Variants in SRGAP3 observed in about 807,000 individuals in gnomAD.
SRGAP3 encodes the protein SLIT-ROBO Rho GTPase activating protein 3, also known as SLIT-ROBO Rho GTPase-activating protein 3.
SRGAP3 carries 39 observed loss-of-function variants against 121.1 expected under a neutral mutation model. The ratio of observed to expected loss-of-function variants is 0.32; its 90% CI spans 0.25 to 0.42. SRGAP3 has a LOEUF of 0.42. Ranked by LOEUF, SRGAP3 falls within the 10% of genes least tolerant of loss-of-function variation. The pLI, the probability that SRGAP3 is intolerant of heterozygous loss-of-function variation, is 1.00. For missense variants in SRGAP3, 1,213 were observed against 1,470.6 expected, an observed-to-expected ratio of 0.82 and a Z score of 2.86; for synonymous variants, 601 against 570.0, an observed-to-expected ratio of 1.05 and a Z score of -0.77.
intron 3 of SRGAP3, among the ~76,000 whole-genome samples, chr3:9,298,568 C>A (rs1954993734): frequency 6.6e-6 from 1 of 152,018 alleles, no homozygotes; most frequent in Admixed American, 6.6e-5. Flanking sequence ...ATCCTATGTA[C>A]CCTTTCCATA....
chr3:9,206,937 T>A lies in SRGAP3; in HGVS notation c.67+41948A>T, dbSNP rs114087163. 3.7e-3 allele frequency among the ~76,000 whole-genome samples: 571 copies of A among 152,276 alleles called. 3 individuals carry two copies. Among genetic ancestry groups the A allele is most frequent in the African/African-American group, 0.013 (522 of 41,556 alleles). On this transcript the variant is annotated intron_variant, in intron 1 of 21. Transcript: ENST00000383836. ...GGGACTTTGCTTTGTTCATGCAGTA[T>A]CCCTAGACCCTAAAATGGCACCTGG...
rs141577564 is a variant in SRGAP3, at chr3:9,064,445, C to T, written c.623G>A (p.Arg208Gln). ...LSMNLLRHEDRPQRRSSVKKI... is the reference protein window; with the variant it reads ...LSMNLLRHEDQPQRRSSVKKI... Reference sequence around the variant, plus strand: ...CTTCACAGAGCTGCGGCGCTGGGGCCGGTCCTCGTGCCGGAGCAGGTTCAT... The same window carrying T: ...CTTCACAGAGCTGCGGCGCTGGGGCTGGTCCTCGTGCCGGAGCAGGTTCAT... The change falls in exon 5 of 22, where the codon CGG becomes CAG. Residue 208 changes from arginine to glutamine, a missense_variant. Arg to Gln is a conservative substitution (Grantham distance 43). Transcript: ENST00000383836. 207 of 1,614,096 alleles carry T rather than the reference C, an allele frequency of 1.3e-4. No individual in the cohort carries two copies. The highest frequency in any genetic ancestry group is 1.7e-4 in the Non-Finnish European group (203 of 1,180,042).
At chr3:9,160,254 T>C (rs770793083) in intron 1 of SRGAP3, among the ~76,000 whole-genome samples, 10 of 152,218 alleles carry the variant, frequency 6.6e-5, no homozygotes, top group African/African-American at 9.6e-5. Context: ...CCTAAGAGCA[T>C]CCTTCACCTC....
chr3:8,985,065 A>G lies in SRGAP3; in HGVS notation c.*454T>C, dbSNP rs1574843866. On this transcript the variant is annotated 3_prime_UTR_variant, in exon 22 of 22. Coordinates refer to ENST00000383836, the MANE Select transcript of SRGAP3 (RefSeq NM_014850.4). This position sits in a 1 kb window ranked among gnomAD's most constrained non-coding sequence, Gnocchi z 5.1. ...ATATACACTTAGTATGCGTGTGTCC[A>G]GATCTAGTATATGTATATAGATGCA... The G allele has an allele frequency of 4.3e-5, 10 of 233,056 alleles. 1 individual carries two copies. In the East Asian group the frequency reaches 6.2e-4, roughly 14 times the overall value. 14.4% of individuals were successfully genotyped at this position (233,056 alleles called of 1,614,324 possible). A position where few individuals can be genotyped will look rare whatever the true frequency, so the allele number is the denominator to read the frequency against.
intron 1 of SRGAP3, among the ~76,000 whole-genome samples, chr3:9,334,921 T>G (rs139951571): frequency 1.1e-4 from 17 of 152,264 alleles, no homozygotes; most frequent in African/African-American, 3.9e-4. Context: ...TGGAAAAGGC[T>G]TTGAAATCTG....
chr3:9,046,027 C>T (rs957982794), intron 10 of SRGAP3, among the ~76,000 whole-genome samples: 8 of 152,192 alleles, frequency 5.3e-5, no homozygotes, highest in South Asian at 2.1e-4. Context: ...CCCCTTTACC[C>T]GCTGGCCCAA....
chr3:9,232,407 A>C (rs1953246120), intron 1 of SRGAP3, among the ~76,000 whole-genome samples: 1 of 152,160 alleles, frequency 6.6e-6, no homozygotes, highest in South Asian at 2.1e-4. Flanking sequence ...CTACCACCCT[A>C]TTCCACCCCT....
chr3:9,278,190 G>C (rs1429300902), intron 3 of SRGAP3, among the ~76,000 whole-genome samples: 1 of 152,210 alleles, frequency 6.6e-6, no homozygotes, highest in Non-Finnish European at 1.5e-5. Context: ...GGGGAAGCAA[G>C]ATCTAAACTT....
intron 1 of SRGAP3, among the ~76,000 whole-genome samples, chr3:9,168,205 G>A (rs1162380227): frequency 1.3e-5 from 2 of 152,212 alleles, no homozygotes; most frequent in African/African-American, 4.8e-5. Flanking sequence ...TAGCCCAATA[G>A]CCCATCAAAG....
chr3:9,067,758 T>C (rs1946498560), intron 4 of SRGAP3, among the ~76,000 whole-genome samples: 1 of 152,108 alleles, frequency 6.6e-6, no homozygotes, highest in Admixed American at 6.6e-5. Flanking sequence ...CGTTTACCTA[T>C]GTAACAAACC....
Position 9,320,116 on chromosome 3 carries a change from T to C in SRGAP3, n.442+5894A>G, listed in dbSNP as rs1172014164. On this transcript the variant is annotated intron_variant and non_coding_transcript_variant, in intron 3 of 3. Coordinates refer to the SRGAP3 transcript ENST00000490889. ...GCTAATCAGTGCCAATCTTGGTGCT[T>C]TCCTGGAGCTATGGAAAAAGAGGAG... Among the ~76,000 whole-genome samples, 5 of 152,026 alleles carry C rather than the reference T, an allele frequency of 3.3e-5. No individual in the cohort carries two copies. The East Asian group carries it at 9.6e-4, about 29-fold the overall frequency.
At chr3:9,346,291 C>G (rs773534399) in intron 1 of SRGAP3, among the ~76,000 whole-genome samples, 3 of 152,046 alleles carry the variant, frequency 2.0e-5, no homozygotes, top group African/African-American at 7.2e-5. Flanking sequence ...GTCACCCAGG[C>G]TGGAGTGCAG....
chr3:9,163,636 G>T (rs542330167), intron 1 of SRGAP3, among the ~76,000 whole-genome samples: 1 of 152,216 alleles, frequency 6.6e-6, no homozygotes, highest in Non-Finnish European at 1.5e-5. Flanking sequence ...AGACCCCAAA[G>T]GGCTTCCAGA....
intron 1 of SRGAP3, among the ~76,000 whole-genome samples, chr3:9,160,675 G>A (rs1950574749): frequency 1.3e-5 from 2 of 152,108 alleles, no homozygotes; most frequent in South Asian, 4.2e-4. Flanking sequence ...GTTTTAAACT[G>A]GTACATTTTG....
At chr3:9,331,036 T>C (rs1955597169) in intron 1 of SRGAP3, among the ~76,000 whole-genome samples, 1 of 152,240 alleles carries the variant, frequency 6.6e-6, no homozygotes, top group Non-Finnish European at 1.5e-5. Flanking sequence ...TATAAATGGA[T>C]TTCACCAAAA....
chr3:9,262,994 A>G (rs1257241533), intron 3 of SRGAP3, among the ~76,000 whole-genome samples: 1 of 152,200 alleles, frequency 6.6e-6, no homozygotes, highest in Non-Finnish European at 1.5e-5. Context: ...CAGCAAATGC[A>G]AAAGAATGGA....
At chr3:9,038,155 T>C (rs1944853660) in intron 10 of SRGAP3, 65 bp from the exon 11 acceptor site, 2 of 1,604,500 alleles carry the variant, frequency 1.2e-6, no homozygotes, top group East Asian at 2.2e-5. Flanking sequence ...AACATTCATC[T>C]TTTTCTAAAA....
chr3:9,110,134 T>C (rs1948563189), intron 2 of SRGAP3, among the ~76,000 whole-genome samples: 1 of 151,972 alleles, frequency 6.6e-6, no homozygotes, highest in Non-Finnish European at 1.5e-5. Flanking sequence ...AAGAAAGGCT[T>C]AGGTAGGAAA....
At chr3:9,336,285 T>C (rs1278092681) in intron 1 of SRGAP3, among the ~76,000 whole-genome samples, 2 of 151,456 alleles carry the variant, frequency 1.3e-5, no homozygotes, top group East Asian at 1.9e-4. Flanking sequence ...GGTGTGATCA[T>C]AGCTCACTGT....
Sources: allele counts gnomAD v4.1 joint callset (sites outside exome capture counted in the v4.1 genomes callset), GRCh38; gene constraint gnomAD v4.1.1; non-coding constraint Gnocchi (gnomAD v3.1); transcripts MANE v1.5; gene names NCBI Gene and HGNC (gene_info 2026-07-23, HGNC 2026-07-21).